The following TRPM7 variants were observed in gnomAD, a reference collection of about 807,000 sequenced individuals.
TRPM7 encodes the protein transient receptor potential cation channel subfamily M member 7.
TRPM7 carries 134 observed loss-of-function variants against 229.7 expected under a neutral mutation model. The ratio of observed to expected loss-of-function variants is 0.58; its 90% CI spans 0.51 to 0.67. TRPM7 has a LOEUF of 0.67. TRPM7 is among the 30% of genes least tolerant of loss of function. TRPM7 has a pLI of 0.00. For missense variants in TRPM7, 1,901 were observed against 2,210.0 expected (o/e 0.86, Z 2.80); for synonymous variants, 699 against 715.2 (o/e 0.98, Z 0.36).
At chr15:50,621,641 A>G (rs1030932135) in intron 12 of TRPM7, among the ~76,000 whole-genome samples, 1 of 152,172 alleles carries the variant, frequency 6.6e-6, no homozygotes, top group African/African-American at 2.4e-5. Context: ...TCAGAAGCAA[A>G]TACGAGAATC....
intron 3 of TRPM7, among the ~76,000 whole-genome samples, chr15:50,650,878 T>G (rs1016463073): frequency 3.9e-5 from 6 of 152,192 alleles, no homozygotes; most frequent in African/African-American, 1.4e-4. Context: ...TTCACTATTG[T>G]CAGCATGCAT....
chr15:50,572,143 C>G (rs1036209938), intron 36 of TRPM7, among the ~76,000 whole-genome samples: 2 of 152,128 alleles, frequency 1.3e-5, no homozygotes, highest in Non-Finnish European at 2.9e-5. Context: ...AAATTAGCTG[C>G]ATGCAGTGAC....
intron 21 of TRPM7, among the ~76,000 whole-genome samples, chr15:50,602,282 G>C (rs2059802002): frequency 6.6e-6 from 1 of 152,064 alleles, no homozygotes; most frequent in South Asian, 2.1e-4. Flanking sequence ...CTATTGCAAG[G>C]ACAGAAAACC....
chr15:50,588,043 T>A (rs1011678268), intron 27 of TRPM7: 2 of 168,548 alleles, frequency 1.2e-5, no homozygotes, highest in Non-Finnish European at 2.4e-5. Context: ...TCAGTCTAAA[T>A]ATGCCATAAT....
At chr15:50,635,479 T>C (rs1015197506) in intron 7 of TRPM7, among the ~76,000 whole-genome samples, 4 of 150,248 alleles carry the variant, frequency 2.7e-5, no homozygotes, top group African/African-American at 7.4e-5. Context: ...CTGGCTAACA[T>C]GGTGAAACCC....
intron 3 of TRPM7, 88 bp from the exon 4 acceptor site, chr15:50,648,973 T>A: frequency 2.0e-6 from 2 of 977,582 alleles, no homozygotes; most frequent in Non-Finnish European, 2.9e-6. Context: ...CCGACAAATA[T>A]AAGCTTTAAA....
intron 4 of TRPM7, among the ~76,000 whole-genome samples, chr15:50,645,229 A>G (rs564048631): frequency 2.6e-5 from 4 of 152,126 alleles, no homozygotes; most frequent in Admixed American, 6.6e-5. Flanking sequence ...TTTGGTAGAC[A>G]CAAGGTTTCA....
In TRPM7 at chr15:50,574,739, G is replaced by GAGA. The variant is rs759033097; in HGVS notation, c.5020-23_5020-21dup. 8 of 1,601,818 alleles carry GAGA rather than the reference G, an allele frequency of 5.0e-6. No individual in the cohort carries two copies. The African/African-American group carries it at 1.1e-4, about 22-fold the overall frequency. On this transcript the variant is annotated intron_variant, in intron 34 of 38. Coordinates refer to ENST00000646667, the MANE Select transcript of TRPM7 (RefSeq NM_017672.6). ...AATTTCCTATAAAAGGGAGGGTGGGGAGAACCCTTGTTTAATATTTAAACT... is the reference window on the plus strand; with the variant it reads ...AATTTCCTATAAAAGGGAGGGTGGGGAGAAGAACCCTTGTTTAATATTTAAACT...
intron 3 of TRPM7, among the ~76,000 whole-genome samples, chr15:50,653,644 GA>G (rs1306589798): frequency 2.0e-5 from 3 of 152,260 alleles, no homozygotes; most frequent in East Asian, 3.9e-4. Context: ...CACCTAGGCA[GA>G]AAACAGTAGA....
intron 38 of TRPM7, among the ~76,000 whole-genome samples, chr15:50,569,361 T>G (rs75273645): frequency 0.014 from 2,115 of 152,332 alleles, 46 homozygotes; most frequent in African/African-American, 0.049. Flanking sequence ...TTCCTGTTCC[T>G]GCTTGATCAA....
intron 30 of TRPM7, 133 bp downstream of exon 30, chr15:50,580,741 G>A (rs1161190574): frequency 7.2e-6 from 5 of 695,622 alleles, no homozygotes; most frequent in East Asian, 5.5e-5. Context: ...TCTATGTGAA[G>A]AGAGGAGATG....
Position 50,686,607 on chromosome 15 carries a change from G to C in TRPM7, c.-74C>G. 1.3e-6 allele frequency: 2 copies of C among 1,582,454 alleles called. No individual in the cohort carries two copies. ...CCTCCGCGGCCTGTAGCCATCTATC[G>C]GGAAGCGTCTCCGGAGGCGGCAGCA... On this transcript the variant is annotated 5_prime_UTR_variant, in exon 1 of 39. Coordinates refer to ENST00000646667, the MANE Select transcript of TRPM7 (RefSeq NM_017672.6).
Position 50,569,868 on chromosome 15 carries a change from T to G in TRPM7, c.5467+19A>C, listed in dbSNP as rs373590475. On this transcript the variant is annotated intron_variant, in intron 38 of 38. Coordinates refer to ENST00000646667, the MANE Select transcript of TRPM7 (RefSeq NM_017672.6). Reference sequence around the variant, plus strand: ...TTTCGTAACAATTTATATACTATACTGATTAAGAAATTTTTTACCTGGAAG... The same window carrying G: ...TTTCGTAACAATTTATATACTATACGGATTAAGAAATTTTTTACCTGGAAG... The G allele has an allele frequency of 9.0e-6, 14 of 1,551,566 alleles. No individual in the cohort carries two copies. Among genetic ancestry groups the G allele is most frequent in the Non-Finnish European group, 1.2e-5 (14 of 1,132,308 alleles).
At chr15:50,660,196 T>A (rs2061689136) in intron 2 of TRPM7, among the ~76,000 whole-genome samples, 1 of 152,092 alleles carries the variant, frequency 6.6e-6, no homozygotes, top group African/African-American at 2.4e-5. Context: ...AATCATAGAC[T>A]CTAATGATTG....
chr15:50,642,288 G>A (rs1201020874), intron 5 of TRPM7, among the ~76,000 whole-genome samples: 1 of 152,038 alleles, frequency 6.6e-6, no homozygotes, highest in African/African-American at 2.4e-5. Flanking sequence ...TTTCTAAAAG[G>A]CTAAACAGTA....
intron 3 of TRPM7, among the ~76,000 whole-genome samples, chr15:50,651,642 T>C (rs74958533): frequency 0.15 from 22,376 of 151,120 alleles, 2,214 homozygotes; most frequent in Admixed American, 0.28. Flanking sequence ...AACGAAAAAA[T>C]TAAAGAAAAA....
At position 50,612,702 on chromosome 15, in the gene TRPM7, TTCA is replaced by T; in HGVS notation, c.1895_1897del (p.Met632del). 1 of 1,614,172 alleles carries T rather than the reference TTCA, an allele frequency of 6.2e-7. No individual in the cohort carries two copies. Among genetic ancestry groups the T allele is most frequent in the South Asian group, 1.1e-5 (1 of 91,088 alleles). ...TAAAAAACGGGCCATGACCTGCCTC[TTCA>T]TAAGGCAAGCCCAAATTAAAAGTTC... On this transcript the variant is annotated inframe_deletion, in exon 16 of 39. Transcript: ENST00000646667.
chr15:50,679,539 T>TAATATATATATATATATATATATATA (rs1491586861), intron 1 of TRPM7, among the ~76,000 whole-genome samples: 1 of 22,306 alleles, frequency 4.5e-5, no homozygotes, highest in Non-Finnish European at 8.1e-5. Context: ...TATATATATA[T>TAATATATATATATATATATATATATA]TTTTTTTTTT....
chr15:50,663,138 T>C (rs1412429983), intron 1 of TRPM7, 92 bp from the exon 2 acceptor site: 1 of 1,014,060 alleles, frequency 9.9e-7, no homozygotes. Context: ...CAGTTCTTTT[T>C]TTTTTTTGAG....
Sources: allele counts gnomAD v4.1 joint callset (sites outside exome capture counted in the v4.1 genomes callset), GRCh38; gene constraint gnomAD v4.1.1; transcripts MANE v1.5; gene names NCBI Gene and HGNC (gene_info 2026-07-23, HGNC 2026-07-21).